The following IGSF9B variants were observed in gnomAD, a reference collection of about 807,000 sequenced individuals.
IGSF9B encodes immunoglobulin superfamily member 9B.
A neutral mutation model predicts 143.7 loss-of-function variants in IGSF9B; 48 were observed. That is an observed-to-expected ratio of 0.33 (90% CI 0.26 to 0.42). The LOEUF (loss-of-function observed/expected upper bound fraction) is 0.42. IGSF9B is among the 20% of genes least tolerant of loss of function. IGSF9B has a pLI of 1.00. For synonymous variants in IGSF9B, 903 were observed against 833.1 expected (o/e 1.08, Z -1.44); for missense variants, 1,706 against 1,980.0 (o/e 0.86, Z 2.63).
chr11:133,929,682 T>TA lies in IGSF9B; in HGVS notation c.1619_1620insT (p.Phe541IlefsTer14). On this transcript the variant is annotated frameshift_variant, in exon 12 of 20. Coordinates refer to ENST00000533871, the MANE Select transcript of IGSF9B (RefSeq NM_001277285.4). LOFTEE classifies it high-confidence loss of function. ...ACAGAGGTCCGTACCAAACTGAGAATGTCTGCTCGTAGCCTCCATCATAGC... is the reference window on the plus strand; with the variant it reads ...ACAGAGGTCCGTACCAAACTGAGAATAGTCTGCTCGTAGCCTCCATCATAGC... 1 of 1,611,332 alleles carries TA rather than the reference T, an allele frequency of 6.2e-7. No individual in the cohort carries two copies. Among genetic ancestry groups the TA allele is most frequent in the Non-Finnish European group, 8.5e-7 (1 of 1,177,486 alleles).
chr11:133,909,333 C>G lies in IGSF9B; in HGVS notation c.4106-56G>C, dbSNP rs779900599. ...GAAGCAAGCGGATGAAAAGGAAGCA[C>G]GCAGCCTGCTCACCTTTTCCACCTG... On this transcript the variant is annotated intron_variant, in intron 19 of 19. Transcript: ENST00000533871. The surrounding 1 kb of genome is among the most constrained non-coding windows in gnomAD (Gnocchi z 4.2). The G allele has an allele frequency of 2.3e-6, 3 of 1,333,322 alleles. No individual in the cohort carries two copies. The highest frequency in any genetic ancestry group is 3.1e-6 in the Non-Finnish European group (3 of 963,496). The allele number at this position is 1,333,322 out of a possible 1,614,324, so 82.6% of individuals were successfully genotyped here.
At chr11:133,911,044 T>C (rs1486772236) in intron 19 of IGSF9B, among the ~76,000 whole-genome samples, 1 of 152,208 alleles carries the variant, frequency 6.6e-6, no homozygotes, top group Non-Finnish European at 1.5e-5. Flanking sequence ...GCTTTGAATT[T>C]CTATATAACA....
chr11:133,953,405 A>G lies in IGSF9B; in HGVS notation c.64+3286T>C, dbSNP rs665448. 0.14 allele frequency among the ~76,000 whole-genome samples: 21,797 copies of G among 152,062 alleles called. 1,915 individuals are homozygous for G. The highest frequency in any genetic ancestry group is 0.23 in the African/African-American group (9,625 of 41,450). On this transcript the variant is annotated intron_variant, in intron 1 of 19. Coordinates refer to ENST00000533871, the MANE Select transcript of IGSF9B (RefSeq NM_001277285.4). This position sits in a 1 kb window ranked among gnomAD's most constrained non-coding sequence, Gnocchi z 4.2. ...TGCCAGACACACTCCTGTCCCCAGC[A>G]TGTGTGTGCTGAGGATACACACACA...
chr11:133,926,524 T>G (rs573394226), intron 13 of IGSF9B, among the ~76,000 whole-genome samples: 1 of 152,054 alleles, frequency 6.6e-6, no homozygotes, highest in African/African-American at 2.4e-5. Flanking sequence ...TCCAGGAAGG[T>G]GGCCTGGAAG....
rs1195491261 is a variant in IGSF9B, at chr11:133,928,821, A to G, written c.1631+850T>C. 3.9e-5 allele frequency among the ~76,000 whole-genome samples: 6 copies of G among 152,336 alleles called. No homozygotes were observed. The East Asian group carries it at 9.7e-4, about 25-fold the overall frequency. ...ACCCTAAGGTTTGCGCAAAGACCTCATATGACTGCATCTGGCTAAACTGAC... is the reference window on the plus strand; with the variant it reads ...ACCCTAAGGTTTGCGCAAAGACCTCGTATGACTGCATCTGGCTAAACTGAC... On this transcript the variant is annotated intron_variant, in intron 12 of 19. Transcript: ENST00000533871. The surrounding 1 kb of genome is among the most constrained non-coding windows in gnomAD (Gnocchi z 4.7).
chr11:133,918,700 T>G (rs996551036), intron 18 of IGSF9B, among the ~76,000 whole-genome samples: 7 of 148,746 alleles, frequency 4.7e-5, no homozygotes, highest in Non-Finnish European at 1.0e-4. Context: ...TCCCTCCTCC[T>G]CGACCACCTC....
At chr11:133,918,172 G>A (rs1372716335) in intron 18 of IGSF9B, among the ~76,000 whole-genome samples, 1 of 152,062 alleles carries the variant, frequency 6.6e-6, no homozygotes, top group African/African-American at 2.4e-5. Flanking sequence ...GACATGGTTT[G>A]GATCCCCTGT....
Position 133,908,964 on chromosome 11 carries a change from G to C in IGSF9B, c.*105C>G. 1.0e-6 allele frequency: 1 copy of C among 1,000,656 alleles called. No homozygotes were observed. Among genetic ancestry groups the C allele is most frequent in the Non-Finnish European group, 1.5e-6 (1 of 680,562 alleles). The allele number at this position is 1,000,656 out of a possible 1,614,324, so 62.0% of individuals were successfully genotyped here. A position where few individuals can be genotyped will look rare whatever the true frequency, so the allele number is the denominator to read the frequency against. On this transcript the variant is annotated 3_prime_UTR_variant, in exon 20 of 20. Transcript: ENST00000533871. Reference sequence around the variant, plus strand: ...AAAAGAGGGGGCATGCAGGACAAAGGTCTGGGCCGCCCTTGGCAGACGGAG... The same window carrying C: ...AAAAGAGGGGGCATGCAGGACAAAGCTCTGGGCCGCCCTTGGCAGACGGAG...
rs1222626061 is a variant in IGSF9B at position 133,948,268 on chromosome 11, G to A, written c.65-2010C>T. Among the ~76,000 whole-genome samples the A allele has an allele frequency of 6.6e-6, 1 of 152,122 alleles. No homozygotes were observed. Among genetic ancestry groups the A allele is most frequent in the Non-Finnish European group, 1.5e-5 (1 of 68,024 alleles). On this transcript the variant is annotated intron_variant, in intron 1 of 19. Coordinates refer to ENST00000533871, the MANE Select transcript of IGSF9B (RefSeq NM_001277285.4). This position sits in a 1 kb window ranked among gnomAD's most constrained non-coding sequence, Gnocchi z 4.7. The stretch of plus-strand genomic sequence containing the variant: ...CCTCCCCTGCAAGTTGCGGAAGAGG[G>A]AGGAGGCAAGCCCTTCCAGAAGCTG...
rs370489331 is a variant in IGSF9B at position 133,942,770 on chromosome 11, A to C, written c.409+1450T>G. ...CCTGCTCACGCAACAGCTGGCACCA[A>C]AAGGCGGTGACTCAAAAGCTTACCA... On this transcript the variant is annotated intron_variant, in intron 3 of 19. Transcript: ENST00000533871. 9.2e-5 allele frequency among the ~76,000 whole-genome samples: 14 copies of C among 152,312 alleles called. No individual in the cohort carries two copies. In the East Asian group the frequency reaches 2.7e-3, roughly 29 times the overall value.
At chr11:133,911,147 G>A (rs1172983966) in intron 19 of IGSF9B, among the ~76,000 whole-genome samples, 1 of 152,200 alleles carries the variant, frequency 6.6e-6, no homozygotes, top group African/African-American at 2.4e-5. Context: ...TTGACAGACT[G>A]CCACAACACT....
At position 133,946,150 on chromosome 11, in the gene IGSF9B, T is replaced by A. The variant is rs978200158; in HGVS notation, c.173A>T (p.Tyr58Phe). ...CCCGAACTTGAACCACTCTACGACATAGGGTGGGGGCTGTCCCGTCACTGG... is the reference window on the plus strand; with the variant it reads ...CCCGAACTTGAACCACTCTACGACAAAGGGTGGGGGCTGTCCCGTCACTGG... ...IHPVTGQPPP[Y>F]VVEWFKFGVP... Residue 58 changes from tyrosine to phenylalanine, a missense_variant, in exon 2 of 20, where the codon TAT (tyrosine) becomes TTT (phenylalanine). By Grantham distance (22) the Tyr-to-Phe change is conservative. Transcript: ENST00000533871. The A allele has an allele frequency of 6.2e-7, 1 of 1,613,018 alleles. No homozygotes were observed. The highest frequency in any genetic ancestry group is 8.5e-7 in the Non-Finnish European group (1 of 1,179,562).
chr11:133,916,224 C>G (rs1939379510), intron 18 of IGSF9B, among the ~76,000 whole-genome samples: 1 of 151,872 alleles, frequency 6.6e-6, no homozygotes, highest in Admixed American at 6.6e-5. Context: ...CAGGTCCACG[C>G]AATACAACTC....
In IGSF9B at chr11:133,919,940, C is replaced by T; in HGVS notation, c.3785G>A (p.Ser1262Asn). The part of the protein sequence containing the change: ...TPSTGSPSQS[S>N]RSGSPSYRPA... ...CCGGTAGCTGGGACTCCCACTGCGG[C>T]TGCTCTGGGAGGGGGAGCCTGTGGA... is the stretch of plus-strand genomic sequence containing the variant. Residue 1262 changes from serine (S) to asparagine (N), a missense_variant, in exon 18 of 20, where the codon AGC becomes AAC. Ser to Asn is a conservative substitution (Grantham distance 46). Around this residue, in one of 7 missense-constraint regions of IGSF9B, gnomAD observed 880 missense variants for 762.9 expected, o/e 1.15. Coordinates refer to ENST00000533871, the MANE Select transcript of IGSF9B (RefSeq NM_001277285.4). 6.4e-7 allele frequency: 1 copy of T among 1,556,748 alleles called. No homozygotes were observed. Among genetic ancestry groups the T allele is most frequent in the Non-Finnish European group, 8.7e-7 (1 of 1,150,514 alleles).
rs1400692699 is a variant in IGSF9B at position 133,946,073 on chromosome 11, G to A, written c.250C>T (p.Pro84Ser). Residue 84 changes from proline to serine, a missense_variant, in exon 2 of 20, where the codon CCT (proline) becomes TCT (serine). Pro to Ser is a moderately conservative substitution (Grantham distance 74). Around this residue, in one of 7 missense-constraint regions of IGSF9B, gnomAD observed 171 missense variants for 213.9 expected, o/e 0.80. Coordinates refer to ENST00000533871, the MANE Select transcript of IGSF9B (RefSeq NM_001277285.4). Reference sequence around the variant, plus strand: ...GCCCAGACCTTACCTGCATACTCAGGGTCCACGTGCGGCGGGTAGTAGCCA... The same window carrying A: ...GCCCAGACCTTACCTGCATACTCAGAGTCCACGTGCGGCGGGTAGTAGCCA... ...KFGYYPPHVD[P>S]EYAGRASLHD... is the part of the protein sequence containing the mutation. The A allele has an allele frequency of 1.3e-6, 2 of 1,581,228 alleles. No homozygotes were observed. The highest frequency in any genetic ancestry group is 3.5e-5 in the Admixed American group (2 of 56,760).
chr11:133,918,514 G>T (rs962624931), intron 18 of IGSF9B, among the ~76,000 whole-genome samples: 33 of 152,248 alleles, frequency 2.2e-4, no homozygotes, highest in African/African-American at 7.2e-4. Flanking sequence ...GGCGGCCGCG[G>T]CACCTCCGCG....
At chr11:133,947,708 T>TTCTCTCTCTCTCTCTCTCTCTCTCTCTC (rs112387633) in intron 1 of IGSF9B, among the ~76,000 whole-genome samples, 21 of 134,908 alleles carry the variant, frequency 1.6e-4, no homozygotes, top group Non-Finnish European at 2.7e-4. Flanking sequence ...TCTGTGTTTG[T>TTCTCTCTCTCTCTCTCTCTCTCTCTCTC]TCTCTCTCTC....
chr11:133,905,485 TA>T lies in IGSF9B; in HGVS notation c.*3583del, dbSNP rs1214365672. On this transcript the variant is annotated 3_prime_UTR_variant, in exon 20 of 20. Coordinates refer to ENST00000533871, the MANE Select transcript of IGSF9B (RefSeq NM_001277285.4). The surrounding 1 kb of genome is among the most constrained non-coding windows in gnomAD (Gnocchi z 4.0). ...CCTCAGCACAAAAAGGGCAGAGGAA[TA>T]AATTAAATCAGTTCAACCCCAAATA... 1.3e-5 allele frequency among the ~76,000 whole-genome samples: 2 copies of T among 152,050 alleles called. No homozygotes were observed. The highest frequency in any genetic ancestry group is 2.9e-5 in the Non-Finnish European group (2 of 68,010).
Position 133,935,608 on chromosome 11 carries a change from C to G in IGSF9B, c.967+9G>C, listed in dbSNP as rs2121318677. 6.2e-7 allele frequency: 1 copy of G among 1,608,064 alleles called. No homozygotes were observed. The highest frequency in any genetic ancestry group is 1.1e-5 in the South Asian group (1 of 89,670). On this transcript the variant is annotated intron_variant, in intron 7 of 19. Transcript: ENST00000533871. ...CCCACCACCCAGGCTCCCCTGCACC[C>G]CTACTCACACTGCACGGTCAGGTAC... is the stretch of plus-strand genomic sequence containing the variant.
Sources: gnomAD v4.1 joint callset for allele counts (sites outside exome capture counted in the v4.1 genomes callset) on GRCh38, gnomAD v4.1.1 for gene constraint, gnomAD v4.1.1 regional missense constraint, Gnocchi (gnomAD v3.1) non-coding constraint, MANE v1.5 for transcripts, NCBI Gene and HGNC (gene_info 2026-07-23, HGNC 2026-07-21) for gene names.